CLVS1: variants seen among roughly 807,000 people sequenced by gnomAD.
CLVS1 encodes clavesin-1.
In CLVS1, 10 loss-of-function variants were observed where a neutral mutation model predicts 33.1. The observed-to-expected ratio is 0.30, with a 90% CI of 0.19 to 0.51. The LOEUF is 0.51. Ranked by LOEUF, CLVS1 falls within the 20% of genes least tolerant of loss-of-function variation. The pLI is 0.97. For synonymous variants in CLVS1, 163 were observed against 166.1 expected, an observed-to-expected ratio of 0.98 and a Z score of 0.14; for missense variants, 343 against 433.4, an observed-to-expected ratio of 0.79 and a Z score of 1.85.
chr8:61,111,975 A>C (rs1805635492), intron 1 of CLVS1, among the ~76,000 whole-genome samples: 1 of 152,132 alleles, frequency 6.6e-6, no homozygotes, highest in Admixed American at 6.5e-5. Flanking sequence ...AGTTTTTTTC[A>C]AATCGGTACT....
chr8:60,988,438 T>C, the CLVS1 span, among the ~76,000 whole-genome samples: 5 of 152,000 alleles, frequency 3.3e-5, no homozygotes, highest in East Asian at 9.6e-4. Flanking sequence ...GGTTCCTCAT[T>C]AGGACATATG....
intron 2 of CLVS1, among the ~76,000 whole-genome samples, chr8:61,259,377 T>A (rs1419708489): frequency 6.6e-6 from 1 of 152,222 alleles, no homozygotes; most frequent in Non-Finnish European, 1.5e-5. Flanking sequence ...GAGGGGTTCC[T>A]GACCTTGACA....
chr8:61,033,078 G>C, the CLVS1 span, among the ~76,000 whole-genome samples: 395 of 123,408 alleles, frequency 3.2e-3, 11 homozygotes, highest in African/African-American at 0.012. Flanking sequence ...AAAGAAGGAA[G>C]GAAGGAAGGA....
intron 2 of CLVS1, among the ~76,000 whole-genome samples, chr8:61,201,704 C>T (rs1280623509): frequency 6.7e-6 from 1 of 149,356 alleles, no homozygotes; most frequent in Admixed American, 6.8e-5. Context: ...TGTTTCCTGA[C>T]AATTCGAATC....
intron 2 of CLVS1, among the ~76,000 whole-genome samples, chr8:61,192,066 C>G (rs1807496010): frequency 1.3e-5 from 2 of 152,234 alleles, no homozygotes; most frequent in South Asian, 2.1e-4. Context: ...CCTGCATTGC[C>G]AAGACAATCC....
Position 61,254,234 on chromosome 8 carries a change from G to A in CLVS1, c.-151-45443G>A, listed in dbSNP as rs552158702. ...TCAGCAGCGGTGGCTGCAGAACAGC[G>A]GATATTGGTGAACAGCAAATGTTGC... On this transcript the variant is annotated intron_variant, in intron 2 of 2. Transcript: ENST00000522621. 3.1e-4 allele frequency among the ~76,000 whole-genome samples: 47 copies of A among 152,264 alleles called. No individual in the cohort carries two copies. In the East Asian group the frequency reaches 6.4e-3, roughly 21 times the overall value.
At position 61,394,657 on chromosome 8, in the gene CLVS1, G is replaced by A. The variant is rs368043613; in HGVS notation, c.630+17878G>A. Among the ~76,000 whole-genome samples, 352 of 152,266 alleles carry A rather than the reference G, an allele frequency of 2.3e-3. 2 individuals are homozygous for A. Among genetic ancestry groups the A allele is most frequent in the African/African-American group, 7.8e-3 (324 of 41,546 alleles). ...CTCACCCAGCTCCCATGCAGCCAGC[G>A]AGGTCAGTTTCACTCCTTCCATACC... On this transcript the variant is annotated intron_variant, in intron 3 of 5. Coordinates refer to ENST00000325897, the MANE Select transcript of CLVS1 (RefSeq NM_173519.3).
the CLVS1 span, among the ~76,000 whole-genome samples, chr8:61,009,423 C>A: frequency 4.6e-5 from 7 of 152,192 alleles, no homozygotes. Flanking sequence ...GCTGGGATTA[C>A]AGGTGTGAGT....
At chr8:61,480,950 G>A (rs1401313205) in intron 5 of CLVS1, among the ~76,000 whole-genome samples, 1 of 152,148 alleles carries the variant, frequency 6.6e-6, no homozygotes. Flanking sequence ...TGACATGGAA[G>A]AGGAATATTG....
intron 1 of CLVS1, among the ~76,000 whole-genome samples, chr8:61,079,787 A>AG (rs1554532701): frequency 8.3e-6 from 1 of 120,976 alleles, no homozygotes; most frequent in Non-Finnish European, 1.7e-5. Context: ...AAAAGCCATT[A>AG]GGAAAAAAAA....
At chr8:61,301,900 A>G (rs1420757803) in intron 2 of CLVS1, among the ~76,000 whole-genome samples, 1 of 152,222 alleles carries the variant, frequency 6.6e-6, no homozygotes, top group Non-Finnish European at 1.5e-5. Flanking sequence ...TGAATGTTGA[A>G]TGAGAAAGAA....
the CLVS1 span, among the ~76,000 whole-genome samples, chr8:61,013,731 G>T: frequency 1.3e-5 from 2 of 152,188 alleles, no homozygotes; most frequent in South Asian, 4.1e-4. Context: ...TCAACATGCT[G>T]GTCCATGGAT....
chr8:61,213,830 C>A lies in CLVS1; in HGVS notation c.-152+81970C>A, dbSNP rs184210894. 2.6e-5 allele frequency among the ~76,000 whole-genome samples: 4 copies of A among 152,312 alleles called. No homozygotes were observed. The South Asian group carries it at 8.3e-4, about 32-fold the overall frequency. On this transcript the variant is annotated intron_variant, in intron 2 of 2. Transcript: ENST00000522621. ...AGGGAATAAGAGAGATAACCTTAAA[C>A]TCTGACCACCGGTGAGCCGGGTGGA...
chr8:61,258,094 C>T (rs1331245633), intron 2 of CLVS1, among the ~76,000 whole-genome samples: 1 of 152,192 alleles, frequency 6.6e-6, no homozygotes, highest in East Asian at 1.9e-4. Flanking sequence ...CCAATCTTCT[C>T]TTCTCTGCTC....
At chr8:61,189,319 A>T (rs1807411322) in intron 2 of CLVS1, among the ~76,000 whole-genome samples, 1 of 152,194 alleles carries the variant, frequency 6.6e-6, no homozygotes, top group African/African-American at 2.4e-5. Flanking sequence ...AGACAAGCAA[A>T]TGCTGAGAGA....
chr8:61,041,166 T>C, the CLVS1 span, among the ~76,000 whole-genome samples: 2 of 152,160 alleles, frequency 1.3e-5, no homozygotes, highest in South Asian at 4.1e-4. Flanking sequence ...ATTTCTGGGT[T>C]ATCTGTTTTG....
At chr8:61,454,635 C>T (rs1430641307) in intron 4 of CLVS1, among the ~76,000 whole-genome samples, 4 of 152,232 alleles carry the variant, frequency 2.6e-5, no homozygotes, top group Non-Finnish European at 4.4e-5. Context: ...AGAATGATTA[C>T]AATTTTTCTT....
At chr8:61,398,893 A>C (rs1292894697) in intron 3 of CLVS1, among the ~76,000 whole-genome samples, 4 of 152,106 alleles carry the variant, frequency 2.6e-5, no homozygotes, top group Non-Finnish European at 5.9e-5. Context: ...ATTCCTTTTT[A>C]TGGCTGCATA....
At chr8:61,077,392 A>G (rs1263620625) in intron 1 of CLVS1, among the ~76,000 whole-genome samples, 1 of 151,124 alleles carries the variant, frequency 6.6e-6, no homozygotes, top group Non-Finnish European at 1.5e-5. Flanking sequence ...CTTGAAAGTG[A>G]TATCATTCAA....
Sources: gnomAD v4.1 joint callset for allele counts (sites outside exome capture counted in the v4.1 genomes callset) on GRCh38, gnomAD v4.1.1 for gene constraint, MANE v1.5 for transcripts, NCBI Gene and HGNC (gene_info 2026-07-23, HGNC 2026-07-21) for gene names.